Variants in RBFOX1 observed in about 807,000 individuals in gnomAD.
RBFOX1 encodes RNA binding protein fox-1 homolog 1.
RBFOX1 carries 8 observed loss-of-function variants against 57.7 expected under a neutral mutation model. That is an observed-to-expected ratio of 0.14 (90% CI 0.08 to 0.25). The LOEUF is 0.25. Ranked by LOEUF, RBFOX1 falls within the 10% of genes least tolerant of loss-of-function variation. The pLI is 1.00. For missense variants in RBFOX1, 611 were observed against 548.5 expected (o/e 1.11, Z -1.14); for synonymous variants, 326 against 222.4 (o/e 1.47, Z -4.15).
chr16:6,761,927 A>G (rs374720464), intron 3 of RBFOX1, among the ~76,000 whole-genome samples: 1 of 152,062 alleles, frequency 6.6e-6, no homozygotes, highest in Admixed American at 6.6e-5. Context: ...CTCTAGACTG[A>G]TGATCATTTA....
chr16:6,634,790 A>G (rs1280517836), intron 2 of RBFOX1, among the ~76,000 whole-genome samples: 1 of 139,206 alleles, frequency 7.2e-6, no homozygotes, highest in East Asian at 2.0e-4. Context: ...TAATACAAAG[A>G]TATACATATA....
At chr16:6,544,940 T>C (rs748298135) in intron 2 of RBFOX1, among the ~76,000 whole-genome samples, 68 of 152,326 alleles carry the variant, frequency 4.5e-4, no homozygotes, top group Admixed American at 1.4e-3. Context: ...GTTTATTTTC[T>C]TACAGAGGAT....
chr16:6,908,357 C>T (rs529179789), intron 3 of RBFOX1, among the ~76,000 whole-genome samples: 1 of 151,968 alleles, frequency 6.6e-6, no homozygotes, highest in East Asian at 1.9e-4. Flanking sequence ...GCCTTTGCAC[C>T]CTTCTAACCC....
chr16:7,057,410 T>C (rs373303933), intron 4 of RBFOX1, among the ~76,000 whole-genome samples: 3 of 152,214 alleles, frequency 2.0e-5, no homozygotes, highest in African/African-American at 7.2e-5. Flanking sequence ...TGTTTCTGTT[T>C]ATGGGTCCAC....
chr16:5,897,833 TC>T (rs1453412879), intron 4 of RBFOX1, among the ~76,000 whole-genome samples: 6 of 137,312 alleles, frequency 4.4e-5, no homozygotes, highest in African/African-American at 1.7e-4. Flanking sequence ...ATTTAACTTC[TC>T]TTTTTTTTTT....
chr16:6,379,466 A>G (rs888385748), intron 2 of RBFOX1, among the ~76,000 whole-genome samples: 6 of 152,026 alleles, frequency 3.9e-5, no homozygotes, highest in African/African-American at 1.4e-4. Flanking sequence ...CCCTACCCGC[A>G]TGAGAAGGTT....
At chr16:7,136,640 C>A (rs1466000064) in intron 4 of RBFOX1, among the ~76,000 whole-genome samples, 3 of 152,106 alleles carry the variant, frequency 2.0e-5, no homozygotes, top group Non-Finnish European at 4.4e-5. Context: ...TGATCTTGAA[C>A]TCCTGGCCTC....
chr16:6,859,119 A>ATGTATATATATGTATATATATATATG, intron 3 of RBFOX1, among the ~76,000 whole-genome samples: 1 of 82,178 alleles, frequency 1.2e-5, no homozygotes, highest in South Asian at 4.0e-4. Context: ...GTGTATATAT[A>ATGTATATATATGTATATATATATATG]TATATATATA....
At chr16:6,985,695 A>G (rs1220706645) in intron 3 of RBFOX1, among the ~76,000 whole-genome samples, 1 of 152,052 alleles carries the variant, frequency 6.6e-6, no homozygotes, top group African/African-American at 2.4e-5. Context: ...TTAGCCAGGC[A>G]TGGTGTCAGG....
intron 4 of RBFOX1, among the ~76,000 whole-genome samples, chr16:5,908,070 G>GTGTGTGTGTATA (rs531475482): frequency 1.2e-4 from 16 of 129,042 alleles, no homozygotes; most frequent in African/African-American, 4.2e-4. Context: ...ATGTGTGTAT[G>GTGTGTGTGTATA]TATATATATA....
chr16:7,361,331 A>G (rs1039635807), intron 4 of RBFOX1, among the ~76,000 whole-genome samples: 1 of 152,206 alleles, frequency 6.6e-6, no homozygotes, highest in Non-Finnish European at 1.5e-5. Context: ...AGGATGCCTA[A>G]ATTGACTTAG....
chr16:6,768,386 T>C (rs754301002), intron 3 of RBFOX1, among the ~76,000 whole-genome samples: 31 of 152,152 alleles, frequency 2.0e-4, no homozygotes, highest in Non-Finnish European at 2.2e-4. Context: ...TCTTATTCTT[T>C]GAAAATACAA....
intron 4 of RBFOX1, among the ~76,000 whole-genome samples, chr16:7,203,657 G>A (rs1374953593): frequency 6.6e-6 from 1 of 152,178 alleles, no homozygotes; most frequent in Middle Eastern, 3.2e-3. Flanking sequence ...AGCTCAGATA[G>A]GGTCCCTCTA....
chr16:7,245,597 C>T (rs1286152107), intron 4 of RBFOX1, among the ~76,000 whole-genome samples: 1 of 152,168 alleles, frequency 6.6e-6, no homozygotes, highest in African/African-American at 2.4e-5. Context: ...TATAACTTTT[C>T]TGAGAGGTTA....
At chr16:6,910,524 T>C (rs2071296363) in intron 3 of RBFOX1, among the ~76,000 whole-genome samples, 1 of 152,186 alleles carries the variant, frequency 6.6e-6, no homozygotes, top group African/African-American at 2.4e-5. Flanking sequence ...TGCTTTTCCT[T>C]GTAGTTCTGG....
chr16:6,307,661 G>T (rs2079688654), intron 1 of RBFOX1, among the ~76,000 whole-genome samples: 2 of 146,186 alleles, frequency 1.4e-5, no homozygotes, highest in South Asian at 4.4e-4. Flanking sequence ...TATATCTTTA[G>T]ATTATTAATA....
At chr16:7,688,557 A>G (rs1324702148) in intron 14 of RBFOX1, among the ~76,000 whole-genome samples, 1 of 152,058 alleles carries the variant, frequency 6.6e-6, no homozygotes, top group Non-Finnish European at 1.5e-5. Context: ...TTTAACTCTG[A>G]GAATTCAGCT....
At chr16:5,452,813 T>G (rs932341587) in intron 1 of RBFOX1, among the ~76,000 whole-genome samples, 5 of 152,010 alleles carry the variant, frequency 3.3e-5, no homozygotes, top group African/African-American at 1.2e-4. Flanking sequence ...CTGGCTAATT[T>G]TTGTATTTTT....
chr16:7,130,287 A>T (rs2069912342), intron 4 of RBFOX1, among the ~76,000 whole-genome samples: 1 of 152,126 alleles, frequency 6.6e-6, no homozygotes, highest in Non-Finnish European at 1.5e-5. Context: ...TACCCACATC[A>T]GCTTCCCAAA....
Sources: gnomAD v4.1 joint callset for allele counts (sites outside exome capture counted in the v4.1 genomes callset) on GRCh38, gnomAD v4.1.1 for gene constraint, MANE v1.5 for transcripts, NCBI Gene and HGNC (gene_info 2026-07-23, HGNC 2026-07-21) for gene names.